MMP16: variants seen among roughly 807,000 people sequenced by gnomAD.
MMP16 encodes the protein matrix metalloproteinase-16.
MMP16 carries 12 observed loss-of-function variants against 67.8 expected under a neutral mutation model. The ratio of observed to expected loss-of-function variants is 0.18; its 90% CI spans 0.11 to 0.29. The LOEUF is 0.29. Among genes scored for constraint, MMP16 ranks in the 10% least tolerant of loss-of-function variants. The probability of loss-of-function intolerance (pLI) is 1.00; values close to 1 mark genes in which losing one functional copy is unlikely to be tolerated. For synonymous variants in MMP16, 249 were observed against 255.9 expected (o/e 0.97, Z 0.26); for missense variants, 475 against 765.7 (o/e 0.62, Z 4.48).
At position 88,074,676 on chromosome 8, in the gene MMP16, A is replaced by C. The variant is rs1808614915; in HGVS notation, c.1151T>G (p.Phe384Cys). ...MDGYPMQITY[F>C]WRGLPPSIDA... is the part of the protein sequence containing the mutation. ...GATACTAGGAGGCAAGCCCCGCCAG[A>C]AGTAAGTAATTTGCATTGGGTATCC... Residue 384 changes from phenylalanine to cysteine, a missense_variant, in exon 7 of 10, where the codon TTC (phenylalanine) becomes TGC (cysteine). Phe to Cys is a radical substitution (Grantham distance 205, BLOSUM62 -2). Coordinates refer to ENST00000286614, the MANE Select transcript of MMP16 (RefSeq NM_005941.5). 1 of 1,613,666 alleles carries C rather than the reference A, an allele frequency of 6.2e-7. No homozygotes were observed. The highest frequency in any genetic ancestry group is 1.3e-5 in the African/African-American group (1 of 74,900).
At chr8:88,166,934 T>C (rs1169813678) in intron 4 of MMP16, among the ~76,000 whole-genome samples, 2 of 151,724 alleles carry the variant, frequency 1.3e-5, no homozygotes, top group African/African-American at 4.8e-5. Flanking sequence ...TGGTGGCTCA[T>C]GCCTGTAACC....
intron 1 of MMP16, among the ~76,000 whole-genome samples, chr8:88,236,425 G>C (rs1809941331): frequency 6.6e-6 from 1 of 152,148 alleles, no homozygotes; most frequent in African/African-American, 2.4e-5. Context: ...AATCAGGATG[G>C]AAGAAGTTCC....
intron 4 of MMP16, among the ~76,000 whole-genome samples, chr8:88,142,946 C>T (rs1276721113): frequency 1.3e-5 from 2 of 152,080 alleles, no homozygotes; most frequent in Non-Finnish European, 2.9e-5. Context: ...TATCTGAAGA[C>T]TAATAATCAT....
chr8:88,320,849 T>C (rs1269716118), intron 1 of MMP16, among the ~76,000 whole-genome samples: 1 of 152,156 alleles, frequency 6.6e-6, no homozygotes, highest in Non-Finnish European at 1.5e-5. Context: ...GCTTCTGTCA[T>C]GTGGCTCATC....
chr8:88,160,066 A>T (rs545716794), intron 4 of MMP16, among the ~76,000 whole-genome samples: 1 of 151,644 alleles, frequency 6.6e-6, no homozygotes, highest in Admixed American at 6.6e-5. Flanking sequence ...GATGTGCTGC[A>T]CTCATTAACT....
At chr8:88,145,094 G>C (rs1180972382) in intron 4 of MMP16, among the ~76,000 whole-genome samples, 2 of 152,004 alleles carry the variant, frequency 1.3e-5, no homozygotes, top group Admixed American at 1.3e-4. Context: ...CTCTAGAACA[G>C]TCACATGTCA....
chr8:88,087,752 G>T (rs1469232503), intron 6 of MMP16, among the ~76,000 whole-genome samples: 1 of 151,376 alleles, frequency 6.6e-6, no homozygotes. Context: ...AAGACCAGCT[G>T]GGACAACATA....
chr8:88,132,350 CA>C (rs1308660395), intron 4 of MMP16, among the ~76,000 whole-genome samples: 2 of 151,776 alleles, frequency 1.3e-5, no homozygotes, highest in African/African-American at 4.8e-5. Flanking sequence ...CAGCTTAAAA[CA>C]AAAGTCAGTG....
chr8:88,312,682 A>C (rs1442099717), intron 1 of MMP16, among the ~76,000 whole-genome samples: 2 of 152,238 alleles, frequency 1.3e-5, no homozygotes, highest in East Asian at 3.9e-4. Flanking sequence ...ATTAGTGTCC[A>C]TTTGAGCCAG....
intron 1 of MMP16, among the ~76,000 whole-genome samples, chr8:88,322,845 G>A (rs1010063594): frequency 6.6e-5 from 10 of 151,994 alleles, no homozygotes; most frequent in East Asian, 1.9e-4. Flanking sequence ...TGAGTGATCC[G>A]GCCCAGGCAA....
intron 1 of MMP16, among the ~76,000 whole-genome samples, chr8:88,290,704 A>T (rs1810913613): frequency 6.6e-6 from 1 of 152,144 alleles, no homozygotes; most frequent in Non-Finnish European, 1.5e-5. Flanking sequence ...CAGCCTCCTG[A>T]GTAGGTGGGA....
At chr8:88,070,994 T>A (rs1808543922) in intron 7 of MMP16, among the ~76,000 whole-genome samples, 1 of 152,126 alleles carries the variant, frequency 6.6e-6, no homozygotes, top group Admixed American at 6.6e-5. Context: ...TAAAAAGCAG[T>A]AAGATTATGT....
chr8:88,197,835 C>T (rs1192337186), intron 1 of MMP16, among the ~76,000 whole-genome samples: 1 of 152,152 alleles, frequency 6.6e-6, no homozygotes, highest in Non-Finnish European at 1.5e-5. Context: ...TTCCATAAAA[C>T]CATTCTATCC....
At chr8:88,144,756 GT>G (rs890941907) in intron 4 of MMP16, among the ~76,000 whole-genome samples, 4 of 151,720 alleles carry the variant, frequency 2.6e-5, no homozygotes, top group Admixed American at 1.3e-4. Context: ...TAAAAAACAA[GT>G]TTTTTTCTGT....
Position 88,309,508 on chromosome 8 carries a change from T to C in MMP16, c.132+17567A>G, listed in dbSNP as rs1303154401. Among the ~76,000 whole-genome samples the C allele has an allele frequency of 2.6e-5, 4 of 152,028 alleles. No homozygotes were observed. The East Asian group carries it at 5.8e-4, about 22-fold the overall frequency. ...AAATTAAGTAACAAAAAGAAAATCT[T>C]TCTTTAAAAAAAATGACTGAAACCT... is the stretch of plus-strand genomic sequence containing the variant. On this transcript the variant is annotated intron_variant, in intron 1 of 9. Transcript: ENST00000286614.
At chr8:88,230,535 CT>C (rs3060800) in intron 1 of MMP16, among the ~76,000 whole-genome samples, 39,831 of 142,354 alleles carry the variant, frequency 0.28, 5,808 homozygotes, top group African/African-American at 0.37. Flanking sequence ...GATCAATTTT[CT>C]TTTTTTTTTT....
chr8:88,261,772 T>TACACACACACAC (rs1475874060), intron 1 of MMP16, among the ~76,000 whole-genome samples: 71,094 of 149,470 alleles, frequency 0.48, 17,710 homozygotes, highest in East Asian at 0.78. Context: ...TATGTACATG[T>TACACACACACAC]ACACACACAC....
At chr8:88,318,433 G>T (rs759453109) in intron 1 of MMP16, among the ~76,000 whole-genome samples, 19 of 152,116 alleles carry the variant, frequency 1.2e-4, no homozygotes, top group Non-Finnish European at 2.6e-4. Context: ...AAGACTGTCT[G>T]CTCAGGATGG....
At chr8:88,100,730 ATG>A (rs1262502912) in intron 6 of MMP16, among the ~76,000 whole-genome samples, 1 of 152,032 alleles carries the variant, frequency 6.6e-6, no homozygotes, top group Non-Finnish European at 1.5e-5. Flanking sequence ...ACCAACCCGA[ATG>A]TCCATCAATG....
Sources: allele counts gnomAD v4.1 joint callset (sites outside exome capture counted in the v4.1 genomes callset), GRCh38; gene constraint gnomAD v4.1.1; transcripts MANE v1.5; gene names NCBI Gene and HGNC (gene_info 2026-07-23, HGNC 2026-07-21).